The following CECR2 variants were observed in gnomAD, a reference collection of about 807,000 sequenced individuals.
CECR2 encodes the protein CECR2 histone acetyl-lysine reader, also known as chromatin remodeling regulator CECR2.
A neutral mutation model predicts 154.5 loss-of-function variants in CECR2; 30 were observed. The observed-to-expected ratio is 0.19, with a 90% CI of 0.15 to 0.26. The LOEUF (loss-of-function observed/expected upper bound fraction) is 0.26, where lower values mean the gene tolerates loss of function less well. CECR2 is among the 10% of genes least tolerant of loss of function. The pLI is 1.00. For missense variants in CECR2, 1,743 were observed against 1,829.3 expected (o/e 0.95, Z 0.86); for synonymous variants, 725 against 683.7 (o/e 1.06, Z -0.94).
Position 17,537,190 on chromosome 22 carries a change from A to G in CECR2, c.1196A>G (p.Asp399Gly). ...KELPPELSHLDPNSPMREEKK... is the reference protein window; with the variant it reads ...KELPPELSHLGPNSPMREEKK... The stretch of plus-strand genomic sequence containing the variant: ...CTCCCTCCAGAACTTTCCCATCTGG[A>G]CCCCAATTCCCCCATGAGAGAGGAA... Residue 399 changes from aspartate to glycine, a missense_variant, in exon 10 of 19, where the codon GAC becomes GGC. By Grantham distance (94) the Asp-to-Gly change is moderately conservative. This residue lies in a region of CECR2 where 292 missense variants were observed against 301.2 expected (regional missense o/e 0.97). Transcript: ENST00000262608. 1.9e-6 allele frequency: 3 copies of G among 1,613,842 alleles called. No individual in the cohort carries two copies. The highest frequency in any genetic ancestry group is 2.5e-6 in the Non-Finnish European group (3 of 1,179,860).
chr22:17,529,570 CAT>C (rs2056321270), intron 9 of CECR2, among the ~76,000 whole-genome samples: 2 of 151,412 alleles, frequency 1.3e-5, no homozygotes, highest in Non-Finnish European at 1.5e-5. Context: ...CGTGGTGGCA[CAT>C]GCCTGTAGTC....
At chr22:17,497,294 A>G (rs2055647266) in intron 2 of CECR2, 109 bp from the exon 3 acceptor site, 3 of 1,185,824 alleles carry the variant, frequency 2.5e-6, no homozygotes. Context: ...TGTCTGTATA[A>G]AAACAAAAAT....
intron 5 of CECR2, among the ~76,000 whole-genome samples, chr22:17,501,971 C>T (rs979049502): frequency 2.0e-5 from 3 of 152,090 alleles, no homozygotes; most frequent in African/African-American, 7.2e-5. Flanking sequence ...TCACGCTGGC[C>T]ACGTTTCAGA....
rs540454308 is a variant in CECR2, at chr22:17,496,852, G to A, written c.222-551G>A. ...CCCATTCCACCAGAATGTGCTATTC[G>A]GGCTTTAAAGTCAACCTATTCTGTG... On this transcript the variant is annotated intron_variant, in intron 2 of 18. Transcript: ENST00000262608. Among the ~76,000 whole-genome samples, 8 of 152,160 alleles carry A rather than the reference G, an allele frequency of 5.3e-5. No homozygotes were observed. In the South Asian group the frequency reaches 1.7e-3, roughly 32 times the overall value.
chr22:17,505,819 G>GAGCC (rs1348464345), intron 7 of CECR2, among the ~76,000 whole-genome samples: 1 of 141,364 alleles, frequency 7.1e-6, no homozygotes, highest in Non-Finnish European at 1.5e-5. Flanking sequence ...TTACAGGTGT[G>GAGCC]AGCCACTGCA....
At chr22:17,465,042 G>C (rs1251199781) in intron 1 of CECR2, among the ~76,000 whole-genome samples, 1 of 150,014 alleles carries the variant, frequency 6.7e-6, no homozygotes, top group African/African-American at 2.4e-5. Flanking sequence ...TGTCGCCCAG[G>C]CTGGAGTGCA....
chr22:17,517,403 G>T (rs1053962184), intron 8 of CECR2, among the ~76,000 whole-genome samples: 1 of 152,174 alleles, frequency 6.6e-6, no homozygotes, highest in African/African-American at 2.4e-5. Flanking sequence ...GTCTCATGTA[G>T]TTCTTTATAG....
chr22:17,403,303 C>T (rs1408070269), intron 1 of CECR2, among the ~76,000 whole-genome samples: 1 of 152,184 alleles, frequency 6.6e-6, no homozygotes, highest in Non-Finnish European at 1.5e-5. Flanking sequence ...GCTATACCCA[C>T]TTTTTATCCA....
intron 8 of CECR2, among the ~76,000 whole-genome samples, chr22:17,513,832 T>G (rs1056470662): frequency 1.3e-5 from 2 of 152,236 alleles, no homozygotes; most frequent in Admixed American, 1.3e-4. Flanking sequence ...ATGCCATAAC[T>G]TAACACTTCA....
intron 1 of CECR2, among the ~76,000 whole-genome samples, chr22:17,393,580 A>G (rs901100594): frequency 6.6e-6 from 1 of 152,152 alleles, no homozygotes; most frequent in African/African-American, 2.4e-5. Context: ...TCACCTGTGA[A>G]CTGCCTGGTT....
chr22:17,519,480 G>A (rs1456765277), intron 8 of CECR2, among the ~76,000 whole-genome samples: 1 of 151,874 alleles, frequency 6.6e-6, no homozygotes, highest in Admixed American at 6.6e-5. Flanking sequence ...GGAAGGTCTT[G>A]ATCTCCTGAC....
rs949260024 is a variant in CECR2 at position 17,502,935 on chromosome 22, G to C, written c.651-147G>C. 6 of 635,690 alleles carry C rather than the reference G, an allele frequency of 9.4e-6. No homozygotes were observed. The Admixed American group carries it at 1.7e-4, about 18-fold the overall frequency. The allele number at this position is 635,690 out of a possible 1,614,324, so 39.4% of individuals were successfully genotyped here. A position where few individuals can be genotyped will look rare whatever the true frequency, so the allele number is the denominator to read the frequency against. On this transcript the variant is annotated intron_variant, in intron 5 of 18. Coordinates refer to ENST00000262608, the MANE Select transcript of CECR2 (RefSeq NM_001290047.2). Reference sequence around the variant, plus strand: ...CTGCATCTTAGTGTTCATTTATTCAGCGTTCCGCCTCCAAGCCTTGTCCCC... The same window carrying C: ...CTGCATCTTAGTGTTCATTTATTCACCGTTCCGCCTCCAAGCCTTGTCCCC...
intron 1 of CECR2, among the ~76,000 whole-genome samples, chr22:17,376,507 G>A (rs772093808): frequency 4.6e-5 from 7 of 151,894 alleles, no homozygotes; most frequent in Non-Finnish European, 1.0e-4. Flanking sequence ...AATGCAGTGC[G>A]CTTGGCAGAG....
At chr22:17,494,291 G>T (rs1303910070) in intron 2 of CECR2, among the ~76,000 whole-genome samples, 1 of 152,092 alleles carries the variant, frequency 6.6e-6, no homozygotes, top group East Asian at 1.9e-4. Context: ...TAGAGACGGG[G>T]TTTCTCCATG....
intron 1 of CECR2, among the ~76,000 whole-genome samples, chr22:17,420,411 T>C (rs551545208): frequency 6.6e-6 from 1 of 152,348 alleles, no homozygotes; most frequent in East Asian, 1.9e-4. Context: ...AACTTAGTAT[T>C]TGGGGACCCT....
At chr22:17,504,502 T>C (rs2055799141) in intron 6 of CECR2, among the ~76,000 whole-genome samples, 1 of 151,458 alleles carries the variant, frequency 6.6e-6, no homozygotes, top group Non-Finnish European at 1.5e-5. Flanking sequence ...AGTGGCGTGA[T>C]CTCGGCTCAC....
intron 9 of CECR2, among the ~76,000 whole-genome samples, chr22:17,529,859 A>G (rs562400449): frequency 2.0e-5 from 3 of 152,230 alleles, no homozygotes; most frequent in African/African-American, 4.8e-5. Context: ...GATACTTACA[A>G]TAACCTTTTC....
Position 17,541,977 on chromosome 22 carries a change from C to T in CECR2, c.2013+10C>T, listed in dbSNP as rs371611572. The T allele has an allele frequency of 2.5e-6, 4 of 1,610,036 alleles. No homozygotes were observed. In the East Asian group the frequency reaches 8.9e-5, roughly 36 times the overall value. ...GCCTTTCACCATGCAGGTAAGCAGC[C>T]TACTCTGGAGGTGCAGGTGCAGGGG... On this transcript the variant is annotated intron_variant, in intron 15 of 18. Transcript: ENST00000262608.
At chr22:17,416,648 C>T (rs571762913) in intron 1 of CECR2, among the ~76,000 whole-genome samples, 3 of 152,134 alleles carry the variant, frequency 2.0e-5, no homozygotes, top group South Asian at 2.1e-4. Flanking sequence ...ATTACAGGCA[C>T]GTGCCATCAT....
Sources: gnomAD v4.1 joint callset for allele counts (sites outside exome capture counted in the v4.1 genomes callset) on GRCh38, gnomAD v4.1.1 for gene constraint, gnomAD v4.1.1 regional missense constraint, MANE v1.5 for transcripts, NCBI Gene and HGNC (gene_info 2026-07-23, HGNC 2026-07-21) for gene names.